The following OSBPL11 variants were observed in gnomAD, a reference collection of about 807,000 sequenced individuals.
The protein encoded by OSBPL11 is oxysterol binding protein like 11.
OSBPL11 carries 33 observed loss-of-function variants against 84.4 expected under a neutral mutation model. The ratio of observed to expected loss-of-function variants is 0.39; its 90% CI spans 0.30 to 0.52. The LOEUF (loss-of-function observed/expected upper bound fraction) is 0.52, where lower values mean the gene tolerates loss of function less well. Among genes scored for constraint, OSBPL11 ranks in the 20% least tolerant of loss-of-function variants. The pLI, the probability that OSBPL11 is intolerant of heterozygous loss-of-function variation, is 0.72. For missense variants in OSBPL11, 736 were observed against 901.1 expected, an observed-to-expected ratio of 0.82 and a Z score of 2.35; for synonymous variants, 276 against 310.2, an observed-to-expected ratio of 0.89 and a Z score of 1.16.
chr3:125,560,331 T>G (rs1239017685), intron 8 of OSBPL11, 48 bp downstream of exon 8: 2 of 1,345,182 alleles, frequency 1.5e-6, no homozygotes, highest in African/African-American at 1.5e-5. Context: ...GAACAATTAC[T>G]GGTACAGCCC....
intron 12 of OSBPL11, among the ~76,000 whole-genome samples, chr3:125,531,340 G>A (rs1935552603): frequency 7.0e-6 from 1 of 143,388 alleles, no homozygotes; most frequent in Admixed American, 7.1e-5. Context: ...TGCCCAGGCT[G>A]GAGTGCAATG....
In OSBPL11 at chr3:125,552,372, G is replaced by A. The variant is rs200259862; in HGVS notation, c.1463C>T (p.Ser488Leu). ...TQGVTNHAPL[S>L]GESLTQVGSD... ...TCCCACCTGGGTCAAAGACTCCCCC[G>A]ATAAAGGAGCATGATTTGTGACTCC... Residue 488 changes from serine (S) to leucine (L), a missense_variant, in exon 9 of 13, where the codon TCG becomes TTG. Physicochemically the swap from Ser to Leu is moderately radical, Grantham distance 145. Transcript: ENST00000296220. 32 of 1,614,016 alleles carry A rather than the reference G, an allele frequency of 2.0e-5. No homozygotes were observed. Among genetic ancestry groups the A allele is most frequent in the East Asian group, 1.8e-4 (8 of 44,882 alleles).
At position 125,538,531 on chromosome 3, in the gene OSBPL11, TG is replaced by T; in HGVS notation, c.1943del (p.Thr648LysfsTer6). 6.2e-7 allele frequency: 1 copy of T among 1,614,184 alleles called. No individual in the cohort carries two copies. The highest frequency in any genetic ancestry group is 8.5e-7 in the Non-Finnish European group (1 of 1,180,016). On this transcript the variant is annotated frameshift_variant, in exon 11 of 13. Coordinates refer to ENST00000296220, the MANE Select transcript of OSBPL11 (RefSeq NM_022776.5). LOFTEE classifies it high-confidence loss of function. ...VLEFTYSNGE[T>X]KYVDLTKLAV... is the part of the protein sequence containing the mutation. ...CCAATTTAGTCAAGTCCACATACTTTGTCTCTCCATTGCTATATGTGAACTC... is the reference window on the plus strand; with the variant it reads ...CCAATTTAGTCAAGTCCACATACTTTTCTCTCCATTGCTATATGTGAACTC...
intron 6 of OSBPL11, among the ~76,000 whole-genome samples, chr3:125,566,312 C>T (rs1227509588): frequency 6.6e-6 from 1 of 151,984 alleles, no homozygotes; most frequent in East Asian, 1.9e-4. Context: ...GGCCCCTACA[C>T]ATTATTTTAT....
intron 5 of OSBPL11, among the ~76,000 whole-genome samples, chr3:125,568,045 G>A (rs1317108624): frequency 6.8e-6 from 1 of 146,330 alleles, no homozygotes. Context: ...TTAAAAGTTC[G>A]TTTGGCTATC....
At chr3:125,563,495 C>A (rs897913392) in intron 7 of OSBPL11, among the ~76,000 whole-genome samples, 1 of 151,946 alleles carries the variant, frequency 6.6e-6, no homozygotes, top group Non-Finnish European at 1.5e-5. Flanking sequence ...GTTAAAAGGG[C>A]ATATAATTTA....
At chr3:125,563,406 A>G (rs1580052070) in intron 7 of OSBPL11, among the ~76,000 whole-genome samples, 1 of 152,228 alleles carries the variant, frequency 6.6e-6, no homozygotes, top group Non-Finnish European at 1.5e-5. Context: ...ATCTCATTAG[A>G]TAAGTTATTT....
intron 5 of OSBPL11, among the ~76,000 whole-genome samples, chr3:125,573,439 G>A (rs1191924389): frequency 6.6e-6 from 1 of 152,182 alleles, no homozygotes; most frequent in Non-Finnish European, 1.5e-5. Context: ...ATGAAGCATG[G>A]ACTGAAAAGG....
At chr3:125,584,317 G>A (rs1172052486) in intron 1 of OSBPL11, among the ~76,000 whole-genome samples, 1 of 152,084 alleles carries the variant, frequency 6.6e-6, no homozygotes, top group Non-Finnish European at 1.5e-5. Context: ...AGTGAGCCGA[G>A]ACTGCACCAC....
At chr3:125,590,722 C>G (rs756241306) in intron 1 of OSBPL11, among the ~76,000 whole-genome samples, 1 of 152,054 alleles carries the variant, frequency 6.6e-6, no homozygotes, top group Non-Finnish European at 1.5e-5. Flanking sequence ...TAAAAGAGTG[C>G]TTCAGACATA....
chr3:125,531,982 C>T lies in OSBPL11; in HGVS notation c.2057G>A (p.Arg686Lys), dbSNP rs776676404. ...TGTGGCCTTATCAATTTCAGATTCTCTCAGCGAGTCTGTCACATTTTTCCA... is the reference window on the plus strand; with the variant it reads ...TGTGGCCTTATCAATTTCAGATTCTTTCAGCGAGTCTGTCACATTTTTCCA... ...RLWKNVTDSL[R>K]ESEIDKATEH... Residue 686 changes from arginine (R) to lysine (K), a missense_variant, in exon 12 of 13, where the codon AGA becomes AAA. By Grantham distance (26) the Arg-to-Lys change is conservative. This residue lies in a region of OSBPL11 where 579 missense variants were observed against 717.6 expected (regional missense o/e 0.81). Coordinates refer to ENST00000296220, the MANE Select transcript of OSBPL11 (RefSeq NM_022776.5). 3 of 1,610,012 alleles carry T rather than the reference C, an allele frequency of 1.9e-6. No individual in the cohort carries two copies. The highest frequency in any genetic ancestry group is 2.7e-5 in the African/African-American group (2 of 74,740).
intron 1 of OSBPL11, among the ~76,000 whole-genome samples, chr3:125,586,863 G>A (rs1936520036): frequency 6.6e-6 from 1 of 152,146 alleles, no homozygotes; most frequent in Non-Finnish European, 1.5e-5. Flanking sequence ...ATAGATAAAA[G>A]TTTTTAAAAT....
intron 5 of OSBPL11, among the ~76,000 whole-genome samples, chr3:125,569,669 C>T (rs758503729): frequency 2.0e-5 from 3 of 152,160 alleles, no homozygotes; most frequent in Non-Finnish European, 4.4e-5. Flanking sequence ...ATATGTTCAG[C>T]AACTCATGTC....
At chr3:125,592,419 A>ATTTT (rs1287554646) in intron 1 of OSBPL11, among the ~76,000 whole-genome samples, 1 of 152,202 alleles carries the variant, frequency 6.6e-6, no homozygotes, top group Non-Finnish European at 1.5e-5. Context: ...CTGACTTAAA[A>ATTTT]GTTTTCTGTG....
At chr3:125,551,120 T>C (rs1371839273) in intron 9 of OSBPL11, among the ~76,000 whole-genome samples, 1 of 139,118 alleles carries the variant, frequency 7.2e-6, no homozygotes, top group Non-Finnish European at 1.5e-5. Context: ...GTTATGACCA[T>C]GCCACTGCAC....
At chr3:125,575,969 C>T (rs1040916507) in intron 5 of OSBPL11, among the ~76,000 whole-genome samples, 1 of 150,650 alleles carries the variant, frequency 6.6e-6, no homozygotes, top group Non-Finnish European at 1.5e-5. Context: ...AAGATACACA[C>T]TTTTGAAAAA....
chr3:125,530,994 T>C (rs991725665), intron 12 of OSBPL11, among the ~76,000 whole-genome samples: 5 of 151,216 alleles, frequency 3.3e-5, no homozygotes, highest in South Asian at 2.1e-4. Flanking sequence ...CTTTTTTTTT[T>C]CCCCCAAGAC....
intron 11 of OSBPL11, among the ~76,000 whole-genome samples, chr3:125,538,078 G>A (rs1341614892): frequency 1.3e-5 from 2 of 152,134 alleles, no homozygotes; most frequent in Non-Finnish European, 2.9e-5. Context: ...CATTTAAGAT[G>A]TTCCGATATT....
rs1935677041 is a variant in OSBPL11, at chr3:125,538,565, C to T, written c.1910G>A (p.Ser637Asn). The T allele has an allele frequency of 6.2e-7, 1 of 1,614,174 alleles. No homozygotes were observed. The highest frequency in any genetic ancestry group is 2.2e-5 in the East Asian group (1 of 44,874). ...VVCRVQGEWN[S>N]VLEFTYSNGE... is the part of the protein sequence containing the mutation. Reference sequence around the variant, plus strand: ...ATTGCTATATGTGAACTCAAGAACACTATTCCATTCCCCTTGCACTCTGCA... The same window carrying T: ...ATTGCTATATGTGAACTCAAGAACATTATTCCATTCCCCTTGCACTCTGCA... Residue 637 changes from serine (S) to asparagine (N), a missense_variant, in exon 11 of 13, where the codon AGT becomes AAT. Ser to Asn is a conservative substitution (Grantham distance 46). Around this residue, in one of 3 missense-constraint regions of OSBPL11, gnomAD observed 579 missense variants for 717.6 expected, o/e 0.81. Coordinates refer to ENST00000296220, the MANE Select transcript of OSBPL11 (RefSeq NM_022776.5).
Sources: gnomAD v4.1 joint callset for allele counts (sites outside exome capture counted in the v4.1 genomes callset) on GRCh38, gnomAD v4.1.1 for gene constraint, gnomAD v4.1.1 regional missense constraint, MANE v1.5 for transcripts, NCBI Gene and HGNC (gene_info 2026-07-23, HGNC 2026-07-21) for gene names.